Variants in STXBP5L observed in about 807,000 individuals in gnomAD.
STXBP5L encodes syntaxin binding protein 5L.
STXBP5L carries 65 observed loss-of-function variants against 144.5 expected under a neutral mutation model. The observed-to-expected ratio is 0.45, with a 90% CI of 0.37 to 0.55. The LOEUF (loss-of-function observed/expected upper bound fraction) is 0.55, where lower values mean the gene tolerates loss of function less well. Among genes scored for constraint, STXBP5L ranks in the 20% least tolerant of loss-of-function variants. The pLI, the probability that STXBP5L is intolerant of heterozygous loss-of-function variation, is 0.00. For missense variants in STXBP5L, 1,298 were observed against 1,405.5 expected (o/e 0.92, Z 1.22); for synonymous variants, 505 against 469.6 (o/e 1.08, Z -0.97).
rs190682701 is a variant in STXBP5L at position 121,381,047 on chromosome 3, G to T, written c.2348-246G>T. On this transcript the variant is annotated intron_variant, in intron 21 of 26. Transcript: ENST00000471454. Reference sequence around the variant, plus strand: ...GTTAACGTAGAGAAAGAAAAATGGTGAGCTGGAGCTCAGGAGCCTCCAATT... The same window carrying T: ...GTTAACGTAGAGAAAGAAAAATGGTTAGCTGGAGCTCAGGAGCCTCCAATT... Among the ~76,000 whole-genome samples the T allele has an allele frequency of 3.6e-3, 551 of 152,198 alleles. 2 individuals are homozygous for T. The highest frequency in any genetic ancestry group is 0.013 in the African/African-American group (526 of 41,552).
intron 3 of STXBP5L, among the ~76,000 whole-genome samples, chr3:121,008,125 G>A (rs975182975): frequency 6.6e-6 from 1 of 151,884 alleles, no homozygotes; most frequent in Non-Finnish European, 1.5e-5. Context: ...GGGTGTCAGA[G>A]TACTTGTTAA....
At chr3:120,991,171 G>T (rs902461639) in intron 3 of STXBP5L, among the ~76,000 whole-genome samples, 1 of 149,328 alleles carries the variant, frequency 6.7e-6, no homozygotes, top group Non-Finnish European at 1.5e-5. Flanking sequence ...GTGGGCAAAG[G>T]ATATGAACAG....
At chr3:121,388,683 G>A (rs1158365869) in intron 22 of STXBP5L, among the ~76,000 whole-genome samples, 1 of 152,186 alleles carries the variant, frequency 6.6e-6, no homozygotes, top group Non-Finnish European at 1.5e-5. Flanking sequence ...CTGTTTATGT[G>A]ATGGGTACGT....
intron 9 of STXBP5L, among the ~76,000 whole-genome samples, chr3:121,164,620 A>G (rs987953481): frequency 2.0e-5 from 3 of 152,166 alleles, no homozygotes; most frequent in Non-Finnish European, 2.9e-5. Flanking sequence ...CACAATAGCC[A>G]AGATATGGAA....
chr3:120,961,407 A>G (rs1938799078), intron 3 of STXBP5L, among the ~76,000 whole-genome samples: 1 of 151,952 alleles, frequency 6.6e-6, no homozygotes, highest in Admixed American at 6.6e-5. Flanking sequence ...ATTTCTCCTA[A>G]TGCTATCCCT....
intron 19 of STXBP5L, among the ~76,000 whole-genome samples, chr3:121,311,166 A>G (rs780296985): frequency 2.0e-4 from 31 of 152,214 alleles, no homozygotes; most frequent in Admixed American, 7.9e-4. Flanking sequence ...TTAAAATCAT[A>G]ATAAGATACT....
chr3:121,187,073 C>G (rs1176820916), intron 9 of STXBP5L, among the ~76,000 whole-genome samples: 1 of 152,016 alleles, frequency 6.6e-6, no homozygotes, highest in African/African-American at 2.4e-5. Context: ...GGTATATACC[C>G]AAAGGATAAT....
chr3:121,408,710 C>G (rs1013279621), intron 23 of STXBP5L, among the ~76,000 whole-genome samples: 1 of 151,856 alleles, frequency 6.6e-6, no homozygotes. Flanking sequence ...AGGTAATTAA[C>G]CTTCTCTAGC....
chr3:121,337,628 G>A (rs576221566), intron 20 of STXBP5L, among the ~76,000 whole-genome samples: 108 of 152,124 alleles, frequency 7.1e-4, no homozygotes, highest in Non-Finnish European at 1.3e-3. Context: ...TCAACACTCC[G>A]CTGACAGCAC....
chr3:121,316,062 C>T (rs1308791408), intron 19 of STXBP5L, among the ~76,000 whole-genome samples: 3 of 151,524 alleles, frequency 2.0e-5, no homozygotes, highest in Non-Finnish European at 4.4e-5. Flanking sequence ...TTTTAATCCT[C>T]TCCATCACTT....
At chr3:121,134,725 G>A (rs1233485296) in intron 7 of STXBP5L, among the ~76,000 whole-genome samples, 1 of 152,214 alleles carries the variant, frequency 6.6e-6, no homozygotes, top group African/African-American at 2.4e-5. Flanking sequence ...TCCCTGCAAA[G>A]GACATGAACT....
chr3:121,121,391 C>T (rs2044455767), intron 6 of STXBP5L, among the ~76,000 whole-genome samples: 1 of 151,124 alleles, frequency 6.6e-6, no homozygotes, highest in Admixed American at 6.6e-5. Flanking sequence ...TAATAAAGAA[C>T]CCCATTGTTA....
chr3:120,920,305 AT>A (rs942230326), intron 2 of STXBP5L, among the ~76,000 whole-genome samples: 7 of 147,354 alleles, frequency 4.8e-5, no homozygotes, highest in Non-Finnish European at 7.5e-5. Flanking sequence ...TTTCTTACAA[AT>A]TTTTTTTTTG....
At chr3:121,009,373 C>A (rs1387348793) in intron 3 of STXBP5L, among the ~76,000 whole-genome samples, 1 of 151,974 alleles carries the variant, frequency 6.6e-6, no homozygotes, top group Non-Finnish European at 1.5e-5. Context: ...ATGCCATTTG[C>A]AACTGCCCAA....
At chr3:121,107,104 T>G (rs1434558317) in intron 5 of STXBP5L, among the ~76,000 whole-genome samples, 3 of 152,166 alleles carry the variant, frequency 2.0e-5, no homozygotes, top group African/African-American at 7.2e-5. Flanking sequence ...TTTTTTTTCT[T>G]GTAAATTTGT....
At chr3:120,990,820 A>C (rs111253926) in intron 3 of STXBP5L, among the ~76,000 whole-genome samples, 18,259 of 152,250 alleles carry the variant, frequency 0.12, 1,151 homozygotes, top group Non-Finnish European at 0.14. Flanking sequence ...ACGTTATACA[A>C]AAATTAATTC....
intron 5 of STXBP5L, among the ~76,000 whole-genome samples, chr3:121,052,901 C>G (rs1158609199): frequency 6.6e-6 from 1 of 152,200 alleles, no homozygotes; most frequent in African/African-American, 2.4e-5. Flanking sequence ...AGCAAAGTCT[C>G]AGGATGCAAA....
intron 9 of STXBP5L, among the ~76,000 whole-genome samples, chr3:121,167,367 A>C (rs2046537045): frequency 6.6e-6 from 1 of 152,210 alleles, no homozygotes. Flanking sequence ...GGTATAAAAG[A>C]AAAAAGTAAA....
At chr3:121,014,106 A>G (rs1406981211) in intron 3 of STXBP5L, among the ~76,000 whole-genome samples, 1 of 151,788 alleles carries the variant, frequency 6.6e-6, no homozygotes, top group African/African-American at 2.4e-5. Context: ...GCTTAGAATT[A>G]TATTGGCTAT....
Sources: allele counts gnomAD v4.1 joint callset (sites outside exome capture counted in the v4.1 genomes callset), GRCh38; gene constraint gnomAD v4.1.1; transcripts MANE v1.5; gene names NCBI Gene and HGNC (gene_info 2026-07-23, HGNC 2026-07-21).